Variants in SLC71A1 observed in about 807,000 individuals in gnomAD.
SLC71A1 encodes hippocampus abundant gene transcript 1.
chr1:100,039,386 C>G, the SLC71A1 span, among the ~76,000 whole-genome samples: 2 of 152,174 alleles, frequency 1.3e-5, no homozygotes, highest in Non-Finnish European at 2.9e-5. Flanking sequence ...TTGCTGAATT[C>G]AGTTGAAAAA....
chr1:100,068,206 A>G, the SLC71A1 span: 1 of 1,605,044 alleles, frequency 6.2e-7, no homozygotes, highest in East Asian at 2.2e-5. Flanking sequence ...GTAAGTTTAT[A>G]CTTTTTCCTT....
At chr1:100,043,756 G>GCCTTTGCGT in the SLC71A1 span, among the ~76,000 whole-genome samples, 11 of 152,200 alleles carry the variant, frequency 7.2e-5, no homozygotes, top group South Asian at 6.2e-4. Context: ...TTAGTCTTAC[G>GCCTTTGCGT]CCTTTGCGTC....
At chr1:100,038,167 C>T in the SLC71A1 span, 1 of 1,385,916 alleles carries the variant, frequency 7.2e-7, no homozygotes, top group Non-Finnish European at 1.0e-6. Flanking sequence ...GGTGGGACGG[C>T]ACTAGCTGCT....
At chr1:100,056,030 C>T in the SLC71A1 span, among the ~76,000 whole-genome samples, 16 of 152,288 alleles carry the variant, frequency 1.1e-4, no homozygotes, top group East Asian at 2.5e-3. Flanking sequence ...GGATTACAGG[C>T]GTGAGCCACC....
the SLC71A1 span, chr1:100,069,569 T>C: frequency 1.7e-6 from 2 of 1,197,620 alleles, no homozygotes; most frequent in East Asian, 2.3e-5. Context: ...CTATCTGGTA[T>C]ACATTTGTAT....
the SLC71A1 span, among the ~76,000 whole-genome samples, chr1:100,046,457 C>T: frequency 6.6e-6 from 1 of 152,040 alleles, no homozygotes; most frequent in East Asian, 1.9e-4. Context: ...AACTCCTGAC[C>T]TCAGGTGATC....
the SLC71A1 span, chr1:100,059,899 G>A: frequency 6.2e-7 from 1 of 1,611,118 alleles, no homozygotes; most frequent in Admixed American, 1.7e-5. Context: ...ATTCCTTAGT[G>A]CCCCGCTTAT....
the SLC71A1 span, among the ~76,000 whole-genome samples, chr1:100,076,088 T>C: frequency 3.3e-5 from 5 of 152,230 alleles, no homozygotes; most frequent in Admixed American, 6.5e-5. Context: ...CTCAGTCTTA[T>C]ACTCACGTGA....
the SLC71A1 span, among the ~76,000 whole-genome samples, chr1:100,081,556 A>G: frequency 2.6e-5 from 4 of 151,960 alleles, no homozygotes; most frequent in African/African-American, 7.3e-5. Flanking sequence ...TTGTATTTTT[A>G]GTAGAGACGA....
At chr1:100,071,470 CAAAA>C in the SLC71A1 span, among the ~76,000 whole-genome samples, 2 of 149,110 alleles carry the variant, frequency 1.3e-5, no homozygotes, top group African/African-American at 4.9e-5. Context: ...GACCCTGTCT[CAAAA>C]AAAAAGTGTA....
chr1:100,052,765 T>A, the SLC71A1 span, among the ~76,000 whole-genome samples: 2 of 148,142 alleles, frequency 1.4e-5, no homozygotes, highest in African/African-American at 5.2e-5. Flanking sequence ...TTGTTTTCTT[T>A]TTCTTTTTTT....
the SLC71A1 span, among the ~76,000 whole-genome samples, chr1:100,045,027 G>C: frequency 6.6e-6 from 1 of 151,986 alleles, no homozygotes; most frequent in African/African-American, 2.4e-5. Context: ...GTTTTTTCTT[G>C]TTCTGTGAAG....
At chr1:100,078,575 T>C in the SLC71A1 span, 2 of 1,442,856 alleles carry the variant, frequency 1.4e-6, no homozygotes, top group South Asian at 1.1e-5. Context: ...TAGCGATAAT[T>C]ATTTAAAAGT....
chr1:100,063,877 C>T, the SLC71A1 span, among the ~76,000 whole-genome samples: 9 of 152,142 alleles, frequency 5.9e-5, no homozygotes, highest in African/African-American at 2.2e-4. Context: ...GTGGAGAGAA[C>T]TGAGGAGAAG....
the SLC71A1 span, among the ~76,000 whole-genome samples, chr1:100,045,519 C>T: frequency 2.6e-5 from 4 of 151,990 alleles, no homozygotes; most frequent in Admixed American, 2.0e-4. Flanking sequence ...CTGGTTAGGA[C>T]TTCTAAATTT....
At chr1:100,047,612 G>A in the SLC71A1 span, among the ~76,000 whole-genome samples, 2 of 152,106 alleles carry the variant, frequency 1.3e-5, no homozygotes, top group Non-Finnish European at 2.9e-5. Flanking sequence ...AGTGGAGACG[G>A]GGTTTCTTCA....
the SLC71A1 span, chr1:100,062,069 G>T: frequency 8.0e-6 from 5 of 627,760 alleles, no homozygotes; most frequent in Non-Finnish European, 1.4e-5. Context: ...AATATATTTT[G>T]TAATAAAATC....
At chr1:100,040,056 GA>G in the SLC71A1 span, among the ~76,000 whole-genome samples, 1 of 152,264 alleles carries the variant, frequency 6.6e-6, no homozygotes, top group African/African-American at 2.4e-5. Flanking sequence ...GACTTTTCTT[GA>G]GGGCTGTGAA....
the SLC71A1 span, among the ~76,000 whole-genome samples, chr1:100,062,643 TG>T: frequency 6.9e-4 from 105 of 152,272 alleles, 1 homozygote; most frequent in African/African-American, 2.5e-3. Context: ...ACAAATACCT[TG>T]TGATAAATAA....
Sources: allele counts gnomAD v4.1 joint callset (sites outside exome capture counted in the v4.1 genomes callset), GRCh38; gene constraint gnomAD v4.1.1; transcripts MANE v1.5; gene names NCBI Gene and HGNC (gene_info 2026-07-23, HGNC 2026-07-21).